ZFP2: variants seen among roughly 807,000 people sequenced by gnomAD.
ZFP2 encodes the protein zinc finger protein ZFP2.
In ZFP2, 33 loss-of-function variants were observed where a neutral mutation model predicts 36.1. The ratio of observed to expected loss-of-function variants is 0.92; its 90% CI spans 0.69 to 1.22. The LOEUF (loss-of-function observed/expected upper bound fraction) is 1.22. Among genes scored for constraint, ZFP2 ranks in the 50% most tolerant of loss-of-function variants. ZFP2 has a pLI of 0.00. For missense variants in ZFP2, 522 were observed against 551.4 expected (o/e 0.95, Z 0.53); for synonymous variants, 170 against 178.0 (o/e 0.96, Z 0.36).
intron 4 of ZFP2, among the ~76,000 whole-genome samples, chr5:178,919,866 A>G (rs1357719871): frequency 6.6e-6 from 1 of 152,048 alleles, no homozygotes; most frequent in South Asian, 2.1e-4. Flanking sequence ...GAGGCTGAGG[A>G]GGCACGGGAA....
chr5:178,909,770 T>C (rs1291574035), intron 1 of ZFP2: 3 of 1,578,074 alleles, frequency 1.9e-6, no homozygotes, highest in Non-Finnish European at 2.6e-6. Flanking sequence ...TCCCTTCCTC[T>C]TCTCTTTTCC....
rs527573974 is a variant in ZFP2, at chr5:178,915,458, T to G, written c.-223-1107T>G. Among the ~76,000 whole-genome samples, 20 of 149,656 alleles carry G rather than the reference T, an allele frequency of 1.3e-4. No individual in the cohort carries two copies. The South Asian group carries it at 4.3e-3, about 32-fold the overall frequency. On this transcript the variant is annotated intron_variant, in intron 3 of 4. Coordinates refer to ENST00000361362, the MANE Select transcript of ZFP2 (RefSeq NM_030613.4). ...CCTCCTGAGTAGCTGGGACTACAGG[T>G]GCACACTGCCGTGCCCGGCTAATTT...
At chr5:178,904,639 G>A (rs1250522924) in intron 1 of ZFP2, among the ~76,000 whole-genome samples, 2 of 137,888 alleles carry the variant, frequency 1.5e-5, no homozygotes, top group Non-Finnish European at 3.2e-5. Flanking sequence ...CTATTCCATT[G>A]TTCTATTTCT....
At position 178,918,509 on chromosome 5, in the gene ZFP2, T is replaced by C. The variant is rs997984027; in HGVS notation, c.-78+1799T>C. ...CTGTGCAAGCTCCCAGCCTCTGCTA[T>C]GGCTTGTGCCAGCCGTGTGTACTAA... On this transcript the variant is annotated intron_variant, in intron 4 of 4. Coordinates refer to ENST00000361362, the MANE Select transcript of ZFP2 (RefSeq NM_030613.4). 4.6e-5 allele frequency among the ~76,000 whole-genome samples: 7 copies of C among 152,242 alleles called. No homozygotes were observed. In the East Asian group the frequency reaches 1.3e-3, roughly 29 times the overall value.
At chr5:178,913,705 C>T (rs1758351602) in intron 3 of ZFP2, among the ~76,000 whole-genome samples, 1 of 151,724 alleles carries the variant, frequency 6.6e-6, no homozygotes, top group South Asian at 2.1e-4. Context: ...TTGAATGCTC[C>T]TTTATCTTTG....
At chr5:178,900,455 G>A (rs1383208514) in intron 1 of ZFP2, among the ~76,000 whole-genome samples, 4 of 59,062 alleles carry the variant, frequency 6.8e-5, no homozygotes, top group African/African-American at 1.9e-4. Context: ...CAGTGTCCTC[G>A]TGCCACTTCT....
In ZFP2 at chr5:178,931,702, A is replaced by C. The variant is rs756330356; in HGVS notation, c.389A>C (p.Tyr130Ser). Reference protein sequence around the residue: ...HQRIHTGEKPYKCNVCGKHFI... With the variant: ...HQRIHTGEKPSKCNVCGKHFI... ...AGGATTCATACTGGGGAGAAACCCT[A>C]TAAGTGTAATGTATGTGGGAAACAC... The change falls in exon 5 of 5, where the codon TAT (tyrosine) becomes TCT (serine). Residue 130 changes from tyrosine to serine, a missense_variant. By Grantham distance (144) the Tyr-to-Ser change is moderately radical. Transcript: ENST00000361362. 2 of 1,614,172 alleles carry C rather than the reference A, an allele frequency of 1.2e-6. No individual in the cohort carries two copies. The highest frequency in any genetic ancestry group is 1.1e-5 in the South Asian group (1 of 91,086).
At chr5:178,910,940 G>A (rs1032886039) in intron 1 of ZFP2, among the ~76,000 whole-genome samples, 1 of 152,064 alleles carries the variant, frequency 6.6e-6, no homozygotes, top group Non-Finnish European at 1.5e-5. Flanking sequence ...CTTTTAATAG[G>A]GAAAGCGAAC....
In ZFP2 at chr5:178,912,590, G is replaced by C; in HGVS notation, c.-443G>C. On this transcript the variant is annotated 5_prime_UTR_variant, in exon 2 of 5. Coordinates refer to ENST00000361362, the MANE Select transcript of ZFP2 (RefSeq NM_030613.4). The stretch of plus-strand genomic sequence containing the variant: ...CTTATTGAGGAATTTTTAGTTTCAG[G>C]AGTCAGTGACCTTCAAGGATGTGTC... The C allele has an allele frequency of 1.0e-6, 1 of 978,728 alleles. No individual in the cohort carries two copies. The highest frequency in any genetic ancestry group is 1.2e-6 in the Non-Finnish European group (1 of 811,408). The allele number at this position is 978,728 out of a possible 1,614,324, so 60.6% of individuals were successfully genotyped here.
At chr5:178,904,152 A>G (rs1758118728) in intron 1 of ZFP2, among the ~76,000 whole-genome samples, 1 of 152,228 alleles carries the variant, frequency 6.6e-6, no homozygotes. Context: ...TTCATTTAAC[A>G]TGATGTGGTG....
In ZFP2 at chr5:178,909,903, C is replaced by T. The variant is rs139801599; in HGVS notation, c.-449-2681C>T. ...GTTAAGGAACATGTTCCAAGAGTCC[C>T]GGGAGATGCCCTTGATCCTCAAGGG... is the stretch of plus-strand genomic sequence containing the variant. On this transcript the variant is annotated intron_variant, in intron 1 of 4. Coordinates refer to ENST00000361362, the MANE Select transcript of ZFP2 (RefSeq NM_030613.4). The T allele has an allele frequency of 1.0e-3, 1,592 of 1,526,180 alleles. 23 individuals carry two copies. The African/African-American group carries it at 0.019, about 18-fold the overall frequency. 94.5% of individuals were successfully genotyped at this position (1,526,180 alleles called of 1,614,324 possible).
intron 1 of ZFP2, among the ~76,000 whole-genome samples, chr5:178,911,884 C>A (rs1365050386): frequency 6.6e-6 from 1 of 152,022 alleles, no homozygotes; most frequent in Non-Finnish European, 1.5e-5. Flanking sequence ...TCCTGTAATC[C>A]CAGCTCTTTG....
At chr5:178,926,261 A>G (rs1758667395) in intron 4 of ZFP2, among the ~76,000 whole-genome samples, 1 of 151,248 alleles carries the variant, frequency 6.6e-6, no homozygotes, top group African/African-American at 2.4e-5. Flanking sequence ...CTCTGTTTTA[A>G]TTATTTTTAA....
chr5:178,896,196 C>T (rs893347481), intron 1 of ZFP2, among the ~76,000 whole-genome samples: 1 of 152,204 alleles, frequency 6.6e-6, no homozygotes, highest in Non-Finnish European at 1.5e-5. Flanking sequence ...CGGGAGCACG[C>T]TGGCAGCTGA....
intron 1 of ZFP2, among the ~76,000 whole-genome samples, chr5:178,896,567 T>C (rs1024070121): frequency 6.6e-6 from 1 of 152,152 alleles, no homozygotes; most frequent in African/African-American, 2.4e-5. Flanking sequence ...ACAATAAGAA[T>C]GGGGAGGCCA....
chr5:178,908,494 G>A (rs1758216817), intron 1 of ZFP2, among the ~76,000 whole-genome samples: 5 of 151,048 alleles, frequency 3.3e-5, no homozygotes, highest in South Asian at 2.1e-4. Flanking sequence ...TGTAAATAGC[G>A]CTACACACAG....
Position 178,925,822 on chromosome 5 carries a change from G to C in ZFP2, c.-77-5415G>C, listed in dbSNP as rs193116964. On this transcript the variant is annotated intron_variant, in intron 4 of 4. Coordinates refer to ENST00000361362, the MANE Select transcript of ZFP2 (RefSeq NM_030613.4). ...GTGTTGCAAATATCTTCTCCCAGTA[G>C]GTAGTTTCTATTTTTTTAGCTTTTA... 4.0e-5 allele frequency among the ~76,000 whole-genome samples: 6 copies of C among 149,096 alleles called. No individual in the cohort carries two copies. The East Asian group carries it at 1.2e-3, about 29-fold the overall frequency.
intron 4 of ZFP2, among the ~76,000 whole-genome samples, chr5:178,925,788 G>A (rs1356150541): frequency 1.3e-5 from 2 of 149,178 alleles, no homozygotes; most frequent in African/African-American, 4.9e-5. Context: ...CTAGTTTTTT[G>A]TGGGTCATGT....
chr5:178,932,442 A>G lies in ZFP2; in HGVS notation c.1129A>G (p.Thr377Ala), dbSNP rs946244869. 6.2e-7 allele frequency: 1 copy of G among 1,614,154 alleles called. No individual in the cohort carries two copies. Among genetic ancestry groups the G allele is most frequent in the Middle Eastern group, 1.7e-4 (1 of 6,036 alleles). The change falls in exon 5 of 5, where the codon ACT becomes GCT. Residue 377 changes from threonine (T) to alanine (A), a missense_variant. Coordinates refer to ENST00000361362, the MANE Select transcript of ZFP2 (RefSeq NM_030613.4). ...CCTTACCGTGCATCAGGTCATTCAC[A>G]CTGGAGAGAAACCTTATGAGTGCAA... ...SSLTVHQVIHTGEKPYECNEC... is the reference protein window; with the variant it reads ...SSLTVHQVIHAGEKPYECNEC...
Sources: gnomAD v4.1 joint callset for allele counts (sites outside exome capture counted in the v4.1 genomes callset) on GRCh38, gnomAD v4.1.1 for gene constraint, MANE v1.5 for transcripts, NCBI Gene and HGNC (gene_info 2026-07-23, HGNC 2026-07-21) for gene names.